Variants in TRERF1 observed in about 807,000 individuals in gnomAD.
TRERF1 encodes the protein transcriptional regulating factor 1.
TRERF1 carries 27 observed loss-of-function variants against 122.9 expected under a neutral mutation model. The observed-to-expected ratio is 0.22, with a 90% CI of 0.16 to 0.30. The LOEUF is 0.30. TRERF1 is among the 10% of genes least tolerant of loss of function. The probability of loss-of-function intolerance (pLI) is 1.00; values close to 1 mark genes in which losing one functional copy is unlikely to be tolerated. For synonymous variants in TRERF1, 636 were observed against 641.7 expected, an observed-to-expected ratio of 0.99 and a Z score of 0.13; for missense variants, 1,248 against 1,560.3, an observed-to-expected ratio of 0.80 and a Z score of 3.37.
At chr6:42,364,205 T>C (rs1447648672) in intron 2 of TRERF1, among the ~76,000 whole-genome samples, 1 of 152,206 alleles carries the variant, frequency 6.6e-6, no homozygotes. Context: ...GGCAGGCTCC[T>C]GCCTCAGCCC....
At chr6:42,241,078 G>A (rs1304770687) in intron 15 of TRERF1, among the ~76,000 whole-genome samples, 1 of 152,098 alleles carries the variant, frequency 6.6e-6, no homozygotes, top group Non-Finnish European at 1.5e-5. Flanking sequence ...TAGAGATGGG[G>A]TTTCACCATG....
intron 14 of TRERF1, among the ~76,000 whole-genome samples, chr6:42,243,680 A>T (rs113292600): frequency 5.3e-5 from 8 of 150,112 alleles, no homozygotes; most frequent in African/African-American, 2.0e-4. Context: ...TCCCAGGTTC[A>T]CACCATTCTC....
At chr6:42,264,369 C>T (rs1778770727) in intron 7 of TRERF1, among the ~76,000 whole-genome samples, 1 of 152,346 alleles carries the variant, frequency 6.6e-6, no homozygotes, top group South Asian at 2.1e-4. Flanking sequence ...CCCAGTGGGC[C>T]TGGTCTTGGG....
intron 3 of TRERF1, among the ~76,000 whole-genome samples, chr6:42,320,595 T>C (rs1295099137): frequency 2.1e-5 from 3 of 142,102 alleles, no homozygotes; most frequent in Non-Finnish European, 4.5e-5. Flanking sequence ...TACCTCCTCC[T>C]CCTCCCAGGT....
intron 2 of TRERF1, among the ~76,000 whole-genome samples, chr6:42,426,321 T>C (rs1183226682): frequency 6.6e-6 from 1 of 152,088 alleles, no homozygotes; most frequent in East Asian, 1.9e-4. Context: ...TGAAACTCTG[T>C]GAAGTGAAAA....
intron 2 of TRERF1, among the ~76,000 whole-genome samples, chr6:42,416,267 T>G (rs184929605): frequency 6.6e-6 from 1 of 152,318 alleles, no homozygotes; most frequent in Admixed American, 6.5e-5. Flanking sequence ...AACAAGGTTA[T>G]ATAATTATGG....
Position 42,228,686 on chromosome 6 carries a change from A to G in TRERF1, c.3279-17T>C, listed in dbSNP as rs1769922558. 6.4e-7 allele frequency: 1 copy of G among 1,570,574 alleles called. No homozygotes were observed. Among genetic ancestry groups the G allele is most frequent in the African/African-American group, 1.4e-5 (1 of 72,970 alleles). On this transcript the variant is annotated splice_polypyrimidine_tract_variant and intron_variant, in intron 17 of 17. Transcript: ENST00000372922. The surrounding 1 kb of genome is among the most constrained non-coding windows in gnomAD (Gnocchi z 4.2). ...AAGAAGACTCTAAAAATAAAGAAAGAGAGGTGTGTAGAATTTAGAAGGAGA... is the reference window on the plus strand; with the variant it reads ...AAGAAGACTCTAAAAATAAAGAAAGGGAGGTGTGTAGAATTTAGAAGGAGA...
intron 16 of TRERF1, among the ~76,000 whole-genome samples, chr6:42,235,332 T>TACA (rs201030327): frequency 0.014 from 2,076 of 152,322 alleles, 22 homozygotes; most frequent in Non-Finnish European, 0.022. Flanking sequence ...AACTTGCCTA[T>TACA]ACAGGTGTGC....
At chr6:42,391,807 T>C (rs897698304) in intron 2 of TRERF1, among the ~76,000 whole-genome samples, 3 of 152,190 alleles carry the variant, frequency 2.0e-5, no homozygotes, top group African/African-American at 7.2e-5. Context: ...TGTACATTTC[T>C]ACCTAATTTG....
At position 42,255,415 on chromosome 6, in the gene TRERF1, C is replaced by T. The variant is rs529844530; in HGVS notation, c.2581-489G>A. Among the ~76,000 whole-genome samples the T allele has an allele frequency of 5.3e-5, 8 of 152,330 alleles. No homozygotes were observed. In the South Asian group the frequency reaches 1.7e-3, roughly 32 times the overall value. ...AACTGTTTCAAATCAGCCTCGGTAGCTTTTTAAAAGATGCCGCAGGCAGAG... is the reference window on the plus strand; with the variant it reads ...AACTGTTTCAAATCAGCCTCGGTAGTTTTTTAAAAGATGCCGCAGGCAGAG... On this transcript the variant is annotated intron_variant, in intron 12 of 17. Transcript: ENST00000372922.
chr6:42,243,716 G>A (rs1413278223), intron 14 of TRERF1, among the ~76,000 whole-genome samples: 2 of 151,656 alleles, frequency 1.3e-5, no homozygotes, highest in Non-Finnish European at 2.9e-5. Flanking sequence ...GAGTAGCTGG[G>A]ACTACAGGCA....
intron 3 of TRERF1, among the ~76,000 whole-genome samples, chr6:42,301,534 C>G (rs1347237246): frequency 6.6e-6 from 1 of 152,056 alleles, no homozygotes; most frequent in Non-Finnish European, 1.5e-5. Context: ...AGCCGAAGGA[C>G]CAGTTTTTAA....
intron 2 of TRERF1, among the ~76,000 whole-genome samples, chr6:42,446,228 C>CA (rs2151821064): frequency 6.6e-6 from 1 of 152,292 alleles, no homozygotes; most frequent in South Asian, 2.1e-4. Context: ...TCCAAACTTT[C>CA]AATGGCTTCC....
In TRERF1 at chr6:42,285,913, C is replaced by A. The variant is rs556458214; in HGVS notation, c.-259+14725G>T. ...AACTATACTACAAGGCTACAGTAAC[C>A]AAAACAGCATGGTACTGGTACCAAA... is the stretch of plus-strand genomic sequence containing the variant. On this transcript the variant is annotated intron_variant, in intron 4 of 17. Transcript: ENST00000372922. Among the ~76,000 whole-genome samples the A allele has an allele frequency of 3.4e-3, 519 of 151,002 alleles. 2 individuals are homozygous for A. Among genetic ancestry groups the A allele is most frequent in the African/African-American group, 0.012 (479 of 41,200 alleles).
intron 2 of TRERF1, among the ~76,000 whole-genome samples, chr6:42,373,958 C>A (rs1172488141): frequency 6.6e-6 from 1 of 150,538 alleles, no homozygotes; most frequent in Non-Finnish European, 1.5e-5. Flanking sequence ...CATGGTGAAA[C>A]CCTGTCTCTA....
chr6:42,239,006 T>G (rs1469511271), intron 15 of TRERF1, among the ~76,000 whole-genome samples: 1 of 152,216 alleles, frequency 6.6e-6, no homozygotes, highest in East Asian at 1.9e-4. Flanking sequence ...GCCTATCTTA[T>G]TCCAAAACCT....
rs1427893650 is a variant in TRERF1, at chr6:42,228,549, C to T, written c.3399G>A (p.Glu1133=). The change falls in exon 18 of 18, where the codon GAG becomes GAA. Residue 1133 remains glutamate, a synonymous_variant. Transcript: ENST00000372922. The surrounding 1 kb of genome is among the most constrained non-coding windows in gnomAD (Gnocchi z 4.2). ...GCGCCCCCACGGGCCCCGTAGTCCT[C>T]TCAATCGTGGCTGCCATCTCAGCTG... 6.2e-7 allele frequency: 1 copy of T among 1,614,238 alleles called. No individual in the cohort carries two copies.
intron 3 of TRERF1, among the ~76,000 whole-genome samples, chr6:42,360,597 G>A (rs1771513829): frequency 6.6e-6 from 1 of 151,674 alleles, no homozygotes; most frequent in Non-Finnish European, 1.5e-5. Flanking sequence ...TTCTATGGGT[G>A]GTACAGTATG....
At position 42,254,901 on chromosome 6, in the gene TRERF1, C is replaced by T. The variant is rs753352985; in HGVS notation, c.2606G>A (p.Arg869Gln). 31 of 1,614,046 alleles carry T rather than the reference C, an allele frequency of 1.9e-5. No individual in the cohort carries two copies. Among genetic ancestry groups the T allele is most frequent in the African/African-American group, 6.7e-5 (5 of 74,908 alleles). ...ATGACATTTTAACCTGACAGGCTTC[C>T]GCAGTAGCAGCATTTCCAGAGCAAC... Residue 869 changes from arginine to glutamine, a missense_variant, in exon 13 of 18, where the codon CGG (arginine) becomes CAG (glutamine). Physicochemically the swap from Arg to Gln is conservative, Grantham distance 43. This residue lies in a region of TRERF1 where 58 missense variants were observed against 132.5 expected (regional missense o/e 0.44). Coordinates refer to ENST00000372922, the Ensembl canonical transcript of TRERF1.
Sources: allele counts gnomAD v4.1 joint callset (sites outside exome capture counted in the v4.1 genomes callset), GRCh38; gene constraint gnomAD v4.1.1; regional missense constraint gnomAD v4.1.1; non-coding constraint Gnocchi (gnomAD v3.1); transcripts MANE v1.5; gene names NCBI Gene and HGNC (gene_info 2026-07-23, HGNC 2026-07-21).